The following TENM2 variants were observed in gnomAD, a reference collection of about 807,000 sequenced individuals.
TENM2 encodes the protein teneurin-2.
In TENM2, 52 loss-of-function variants were observed where a neutral mutation model predicts 245.2. The observed-to-expected ratio is 0.21, with a 90% CI of 0.17 to 0.27. The LOEUF (loss-of-function observed/expected upper bound fraction) is 0.27. Ranked by LOEUF, TENM2 falls within the 10% of genes least tolerant of loss-of-function variation. The probability of loss-of-function intolerance (pLI) is 1.00; values close to 1 mark genes in which losing one functional copy is unlikely to be tolerated. For synonymous variants in TENM2, 1,363 were observed against 1,438.9 expected (o/e 0.95, Z 1.19); for missense variants, 3,046 against 3,666.8 (o/e 0.83, Z 4.37).
At chr5:167,724,675 G>A (rs573018274) in intron 2 of TENM2, among the ~76,000 whole-genome samples, 21 of 152,296 alleles carry the variant, frequency 1.4e-4, no homozygotes, top group Middle Eastern at 3.4e-3. Context: ...AGTTATCAGA[G>A]AAGACTTCAT....
At chr5:167,928,294 C>T (rs912067415) in intron 3 of TENM2, among the ~76,000 whole-genome samples, 4 of 152,140 alleles carry the variant, frequency 2.6e-5, no homozygotes, top group African/African-American at 7.2e-5. Flanking sequence ...ATTCTCAAGG[C>T]CCTCAAAACC....
At chr5:167,087,085 T>C in the TENM2 span, among the ~76,000 whole-genome samples, 20 of 152,134 alleles carry the variant, frequency 1.3e-4, no homozygotes, top group Non-Finnish European at 2.5e-4. Flanking sequence ...CAAGATGATA[T>C]GGTGCAGACC....
At chr5:167,725,961 CAT>C (rs1024153229) in intron 2 of TENM2, among the ~76,000 whole-genome samples, 82 of 152,264 alleles carry the variant, frequency 5.4e-4, no homozygotes, top group African/African-American at 1.7e-3. Context: ...CCCGCCCCCA[CAT>C]GTCTAGTTAT....
chr5:167,196,462 ATAT>A, the TENM2 span, among the ~76,000 whole-genome samples: 2 of 150,542 alleles, frequency 1.3e-5, no homozygotes, highest in Non-Finnish European at 3.0e-5. Context: ...GTGTATATAT[ATAT>A]GTGTGTATAT....
intron 2 of TENM2, among the ~76,000 whole-genome samples, chr5:167,689,883 C>T (rs1400077801): frequency 6.6e-6 from 1 of 152,162 alleles, no homozygotes; most frequent in Non-Finnish European, 1.5e-5. Flanking sequence ...GCCTCAGCCT[C>T]CTGAGTAGCT....
chr5:168,022,149 C>T (rs1393115017), intron 5 of TENM2, among the ~76,000 whole-genome samples: 2 of 152,212 alleles, frequency 1.3e-5, no homozygotes, highest in African/African-American at 4.8e-5. Context: ...TCCATTCATT[C>T]CAAATATTCA....
intron 4 of TENM2, among the ~76,000 whole-genome samples, chr5:167,955,552 T>A (rs1306879024): frequency 6.6e-6 from 1 of 152,224 alleles, no homozygotes; most frequent in Non-Finnish European, 1.5e-5. Context: ...CATGCCTATG[T>A]CCTGAATGGT....
At chr5:167,194,458 T>C in the TENM2 span, among the ~76,000 whole-genome samples, 1 of 152,010 alleles carries the variant, frequency 6.6e-6, no homozygotes, top group African/African-American at 2.4e-5. Flanking sequence ...TAATGCGAAA[T>C]TAACCTATCT....
chr5:167,377,874 G>A (rs1438335770), intron 2 of TENM2, among the ~76,000 whole-genome samples: 3 of 152,112 alleles, frequency 2.0e-5, no homozygotes, highest in African/African-American at 7.2e-5. Flanking sequence ...CCCAGTGATG[G>A]CTTCCTCCAT....
At chr5:167,656,943 C>CTT (rs5873053) in intron 2 of TENM2, among the ~76,000 whole-genome samples, 40,297 of 142,256 alleles carry the variant, frequency 0.28, 6,094 homozygotes, top group East Asian at 0.55. Context: ...AAAGATTTAT[C>CTT]TTTTTTTTTT....
chr5:167,579,444 C>G (rs1478098618), intron 2 of TENM2, among the ~76,000 whole-genome samples: 1 of 152,164 alleles, frequency 6.6e-6, no homozygotes, highest in African/African-American at 2.4e-5. Context: ...TCATTATTGT[C>G]TGTTATTTGT....
intron 2 of TENM2, among the ~76,000 whole-genome samples, chr5:167,767,413 G>T (rs549991320): frequency 1.3e-5 from 2 of 152,300 alleles, no homozygotes; most frequent in Admixed American, 6.5e-5. Context: ...GGACTGCAGG[G>T]TTATTGTTTA....
At chr5:168,192,236 A>G (rs1054167503) in intron 14 of TENM2, among the ~76,000 whole-genome samples, 3 of 152,132 alleles carry the variant, frequency 2.0e-5, no homozygotes, top group Admixed American at 6.5e-5. Context: ...GGCACATAAC[A>G]TTGCCCTAGA....
At chr5:168,184,832 G>T (rs1760243007) in intron 13 of TENM2, among the ~76,000 whole-genome samples, 1 of 152,164 alleles carries the variant, frequency 6.6e-6, no homozygotes, top group African/African-American at 2.4e-5. Context: ...CTAGTTAGGA[G>T]CTCCTTTTAA....
chr5:168,215,141 T>C, exon 21 of TENM2: 1 of 1,613,908 alleles, frequency 6.2e-7, no homozygotes, highest in Admixed American at 1.7e-5. Context: ...GTCAAGTCTC[T>C]GAGTGGAACC....
chr5:168,125,591 G>C (rs1482279527), intron 11 of TENM2, among the ~76,000 whole-genome samples: 7 of 152,096 alleles, frequency 4.6e-5, no homozygotes, highest in Admixed American at 3.3e-4. Context: ...CCTGAGAAAG[G>C]TTCTGTTCAC....
chr5:167,084,401 T>C, the TENM2 span, among the ~76,000 whole-genome samples: 3 of 131,340 alleles, frequency 2.3e-5, no homozygotes, highest in African/African-American at 5.6e-5. Context: ...AAAATGTAGA[T>C]ATATTTTAGA....
At chr5:167,686,355 T>G (rs1757076535) in intron 2 of TENM2, among the ~76,000 whole-genome samples, 1 of 152,242 alleles carries the variant, frequency 6.6e-6, no homozygotes, top group African/African-American at 2.4e-5. Context: ...GATGCATGTC[T>G]TTATGACTTA....
At chr5:167,852,830 A>G (rs546832838) in intron 2 of TENM2, among the ~76,000 whole-genome samples, 14 of 152,322 alleles carry the variant, frequency 9.2e-5, no homozygotes, top group African/African-American at 3.1e-4. Flanking sequence ...TGTGAGTCCA[A>G]TTTTAATAGT....
Sources: allele counts gnomAD v4.1 joint callset (sites outside exome capture counted in the v4.1 genomes callset), GRCh38; gene constraint gnomAD v4.1.1; transcripts MANE v1.5; gene names NCBI Gene and HGNC (gene_info 2026-07-23, HGNC 2026-07-21).